The following ZMYM1 variants were observed in gnomAD, a reference collection of about 807,000 sequenced individuals.
ZMYM1 encodes the protein zinc finger MYM-type protein 1.
ZMYM1 carries 39 observed loss-of-function variants against 60.0 expected under a neutral mutation model. The observed-to-expected ratio is 0.65, with a 90% confidence interval of 0.50 to 0.85. The LOEUF (loss-of-function observed/expected upper bound fraction) is 0.85. Among genes scored for constraint, ZMYM1 ranks in the 40% least tolerant of loss-of-function variants. The pLI, the probability that ZMYM1 is intolerant of heterozygous loss-of-function variation, is 0.00. For missense variants in ZMYM1, 1,171 were observed against 1,309.5 expected (o/e 0.89, Z 1.63); for synonymous variants, 413 against 454.0 (o/e 0.91, Z 1.15).
intron 4 of ZMYM1, among the ~76,000 whole-genome samples, chr1:35,101,243 G>A (rs1460828478): frequency 1.3e-5 from 2 of 150,972 alleles, no homozygotes; most frequent in Non-Finnish European, 2.9e-5. Flanking sequence ...CTAGTAACTG[G>A]GATTACAGGT....
In ZMYM1 at chr1:35,113,151, A is replaced by G. The variant is rs184831579; in HGVS notation, c.1321A>G (p.Lys441Glu). Residue 441 changes from lysine to glutamate, a missense_variant, in exon 10 of 10, where the codon AAA (lysine) becomes GAA (glutamate). Coordinates refer to ENST00000359858, the MANE Select transcript of ZMYM1 (RefSeq NM_024772.5). ...MKISDELCHPKCTSKVQKVKG... is the reference protein window; with the variant it reads ...MKISDELCHPECTSKVQKVKG... ...AATAAGTGATGAACTATGTCACCCA[A>G]AATGTACATCCAAAGTACAAAAAGT... 9.8e-4 allele frequency: 1,588 copies of G among 1,613,934 alleles called. No homozygotes were observed. Among genetic ancestry groups the G allele is most frequent in the Admixed American group, 2.8e-3 (168 of 59,988 alleles).
chr1:35,070,665 G>A (rs1642050526), intron 1 of ZMYM1, among the ~76,000 whole-genome samples: 1 of 152,086 alleles, frequency 6.6e-6, no homozygotes, highest in African/African-American at 2.4e-5. Flanking sequence ...GTGAAAGTGG[G>A]CATCCTTGTC....
chr1:35,118,780 C>T (rs149565849), downstream of ZMYM1, among the ~76,000 whole-genome samples: 221 of 152,270 alleles, frequency 1.5e-3, 2 homozygotes, highest in South Asian at 0.021. Context: ...GTCTATTATA[C>T]AGCCAATAAT....
chr1:35,082,486 A>G (rs543119991), intron 1 of ZMYM1, among the ~76,000 whole-genome samples: 3 of 151,660 alleles, frequency 2.0e-5, no homozygotes, highest in African/African-American at 7.2e-5. Flanking sequence ...GTGCACCACC[A>G]TACCCAGCTA....
Position 35,113,585 on chromosome 1 carries a change from T to G in ZMYM1, c.1755T>G (p.Asn585Lys), listed in dbSNP as rs1644169246. ...CAGTTTCATCTGTGAATAAAGGCAA[T>G]TTTTTAGAATTGTTAGAAATGAGAG... ...DQSVSSVNKG[N>K]FLELLEMRAK... The change falls in exon 10 of 10, where the codon AAT (asparagine) becomes AAG (lysine). Residue 585 changes from asparagine (N) to lysine (K), a missense_variant. Physicochemically the swap from Asn to Lys is moderately conservative, Grantham distance 94 (BLOSUM62 0). Coordinates refer to ENST00000359858, the MANE Select transcript of ZMYM1 (RefSeq NM_024772.5). 1 of 1,613,614 alleles carries G rather than the reference T, an allele frequency of 6.2e-7. No individual in the cohort carries two copies. The highest frequency in any genetic ancestry group is 8.5e-7 in the Non-Finnish European group (1 of 1,179,874).
At chr1:35,083,339 T>TG (rs1011208551) in intron 1 of ZMYM1, among the ~76,000 whole-genome samples, 2 of 151,982 alleles carry the variant, frequency 1.3e-5, no homozygotes, top group Non-Finnish European at 1.5e-5. Context: ...TTTTTAGAGA[T>TG]GGGGGTCTCA....
chr1:35,080,286 T>C (rs1248140750), intron 1 of ZMYM1, among the ~76,000 whole-genome samples: 1 of 151,000 alleles, frequency 6.6e-6, no homozygotes, highest in African/African-American at 2.4e-5. Flanking sequence ...ACAGTCCCAC[T>C]CCTTCTAGTT....
chr1:35,112,189 T>C (rs1644111718), intron 9 of ZMYM1, 59 bp downstream of exon 9: 2 of 1,566,636 alleles, frequency 1.3e-6, no homozygotes, highest in Admixed American at 3.4e-5. Flanking sequence ...TTGTTGTTGT[T>C]GTTGTTGAGA....
chr1:35,108,699 A>ATTTTTTTTT lies in ZMYM1; in HGVS notation c.808-1579_808-1571dup, dbSNP rs771920421. Among the ~76,000 whole-genome samples, 3 of 106,784 alleles carry ATTTTTTTTT rather than the reference A, an allele frequency of 2.8e-5. No homozygotes were observed. In the South Asian group the frequency reaches 9.7e-4, roughly 34 times the overall value. The allele number at this position is 106,784 out of a possible 152,430, so 70.1% of individuals were successfully genotyped here. On this transcript the variant is annotated intron_variant, in intron 6 of 9. Transcript: ENST00000359858. ...CAAAAGCAGTTTTGTTCCATCGGTG[A>ATTTTTTTTT]TTTTTTTTTTTTTTTTTTTTTTTTA...
intron 1 of ZMYM1, among the ~76,000 whole-genome samples, chr1:35,060,194 A>C (rs955540373): frequency 2.0e-4 from 29 of 148,226 alleles, no homozygotes; most frequent in Non-Finnish European, 3.4e-4. Context: ...TTTGAGACAG[A>C]GTTTCGCTCT....
chr1:35,076,863 C>G (rs533964960), upstream of ZMYM1, among the ~76,000 whole-genome samples: 1 of 147,364 alleles, frequency 6.8e-6, no homozygotes, highest in Non-Finnish European at 1.5e-5. Flanking sequence ...ACCCAGGAGG[C>G]AGAGGTTGCA....
At chr1:35,081,198 G>T (rs947214147) in intron 1 of ZMYM1, among the ~76,000 whole-genome samples, 4 of 151,978 alleles carry the variant, frequency 2.6e-5, no homozygotes, top group African/African-American at 9.7e-5. Context: ...ATTGCAGACA[G>T]GAGCCACCGT....
chr1:35,091,572 A>G (rs566618773), intron 1 of ZMYM1, among the ~76,000 whole-genome samples: 1 of 152,058 alleles, frequency 6.6e-6, no homozygotes, highest in Non-Finnish European at 1.5e-5. Context: ...TGTTGGGGAA[A>G]AACAGCCCAT....
intron 1 of ZMYM1, among the ~76,000 whole-genome samples, chr1:35,091,545 G>A (rs1643002931): frequency 6.6e-6 from 1 of 151,970 alleles, no homozygotes. Flanking sequence ...TTAGGTATAT[G>A]GGCCACAGCT....
At chr1:35,104,132 TA>T (rs1175105173) in intron 4 of ZMYM1, 162 bp from the exon 5 acceptor site, 1 of 608,716 alleles carries the variant, frequency 1.6e-6, no homozygotes, top group Non-Finnish European at 2.8e-6. Context: ...ATGAGAAAAT[TA>T]AAATTTAGGG....
In ZMYM1 at chr1:35,097,531, A is replaced by C; in HGVS notation, c.384A>C (p.Pro128=). 1 of 1,614,252 alleles carries C rather than the reference A, an allele frequency of 6.2e-7. No individual in the cohort carries two copies. Among genetic ancestry groups the C allele is most frequent in the East Asian group, 2.2e-5 (1 of 44,882 alleles). The change falls in exon 4 of 10, where the codon CCA becomes CCC. Residue 128 remains proline (P), a synonymous_variant. Coordinates refer to ENST00000359858, the MANE Select transcript of ZMYM1 (RefSeq NM_024772.5). ...AATACATTTCATCTGCCAGTTCACCAGTTCCTTCTAAGAGAACTTGTTCAA... is the reference window on the plus strand; with the variant it reads ...AATACATTTCATCTGCCAGTTCACCCGTTCCTTCTAAGAGAACTTGTTCAA... ...ITEYISSASS[P]VPSKRTCSNC...
At chr1:35,087,729 C>T (rs1054870259) in intron 1 of ZMYM1, among the ~76,000 whole-genome samples, 7 of 151,954 alleles carry the variant, frequency 4.6e-5, no homozygotes, top group African/African-American at 1.7e-4. Context: ...CGCCTGGCCT[C>T]GAAACTTGCA....
chr1:35,079,756 C>A (rs761043355), intron 1 of ZMYM1, among the ~76,000 whole-genome samples: 16 of 152,228 alleles, frequency 1.1e-4, no homozygotes, highest in Non-Finnish European at 2.1e-4. Context: ...CGCTCCGCAG[C>A]CTCCGTTTCA....
rs1644243357 is a variant in ZMYM1, at chr1:35,115,856, C to A, written c.*597C>A. 1 of 152,164 alleles carries A rather than the reference C, an allele frequency of 6.6e-6. No homozygotes were observed. The highest frequency in any genetic ancestry group is 1.5e-5 in the Non-Finnish European group (1 of 68,040). The allele number at this position is 152,164 out of a possible 1,614,324, so 9.4% of individuals were successfully genotyped here. A position where few individuals can be genotyped will look rare whatever the true frequency, so the allele number is the denominator to read the frequency against. On this transcript the variant is annotated 3_prime_UTR_variant, in exon 10 of 10. Coordinates refer to ENST00000359858, the MANE Select transcript of ZMYM1 (RefSeq NM_024772.5). ...CCTATTAAATCTTTGTAAGTGTTATCAAATGTTTTGATCTTTCCTAATCTC... is the reference window on the plus strand; with the variant it reads ...CCTATTAAATCTTTGTAAGTGTTATAAAATGTTTTGATCTTTCCTAATCTC...
Sources: gnomAD v4.1 joint callset for allele counts (sites outside exome capture counted in the v4.1 genomes callset) on GRCh38, gnomAD v4.1.1 for gene constraint, MANE v1.5 for transcripts, NCBI Gene and HGNC (gene_info 2026-07-23, HGNC 2026-07-21) for gene names.